MACROD2: variants seen among roughly 807,000 people sequenced by gnomAD.
MACROD2 encodes mono-ADP ribosylhydrolase 2.
A neutral mutation model predicts 70.4 loss-of-function variants in MACROD2; 36 were observed. That is an observed-to-expected ratio of 0.51 (90% confidence interval 0.39 to 0.68). The LOEUF (loss-of-function observed/expected upper bound fraction) is 0.68. MACROD2 is among the 30% of genes least tolerant of loss of function. The pLI, the probability that MACROD2 is intolerant of heterozygous loss-of-function variation, is 0.00. For synonymous variants in MACROD2, 172 were observed against 178.8 expected (o/e 0.96, Z 0.30); for missense variants, 496 against 538.4 (o/e 0.92, Z 0.78).
intron 5 of MACROD2, among the ~76,000 whole-genome samples, chr20:14,702,553 G>GTA (rs1353199122): frequency 4.3e-4 from 58 of 133,656 alleles, no homozygotes; most frequent in African/African-American, 1.4e-3. Context: ...GTGTGTGTGT[G>GTA]TATATATATA....
intron 4 of MACROD2, among the ~76,000 whole-genome samples, chr20:14,675,517 C>G (rs1038907477): frequency 2.0e-5 from 3 of 152,108 alleles, no homozygotes; most frequent in Non-Finnish European, 4.4e-5. Flanking sequence ...GAGATTTTGT[C>G]ACCACCAGGC....
At chr20:14,019,749 CAA>C (rs2053046681) in intron 2 of MACROD2, among the ~76,000 whole-genome samples, 1 of 151,964 alleles carries the variant, frequency 6.6e-6, no homozygotes, top group African/African-American at 2.4e-5. Flanking sequence ...GTGAGAAATG[CAA>C]AAGTCTGAAA....
At chr20:14,163,838 A>G (rs1417401560) in intron 3 of MACROD2, among the ~76,000 whole-genome samples, 3 of 151,490 alleles carry the variant, frequency 2.0e-5, no homozygotes, top group Non-Finnish European at 4.4e-5. Context: ...TAAATTTCTC[A>G]TTTATATCCC....
intron 5 of MACROD2, among the ~76,000 whole-genome samples, chr20:15,226,015 A>G (rs1043872703): frequency 1.8e-4 from 27 of 152,340 alleles, no homozygotes; most frequent in Admixed American, 1.6e-3. Context: ...GGGAAACGTG[A>G]ACCATGATTG....
At chr20:14,647,293 T>A (rs892472522) in intron 4 of MACROD2, among the ~76,000 whole-genome samples, 4 of 152,168 alleles carry the variant, frequency 2.6e-5, no homozygotes, top group African/African-American at 9.6e-5. Context: ...CTACCCAGTT[T>A]GTTTAATCAT....
Position 14,326,489 on chromosome 20 carries a change from C to T in MACROD2, c.272-166990C>T. 6.2e-7 allele frequency: 1 copy of T among 1,613,882 alleles called. No individual in the cohort carries two copies. Among genetic ancestry groups the T allele is most frequent in the Non-Finnish European group, 8.5e-7 (1 of 1,179,860 alleles). ...AGATCCTTAATAGCCATCCCACGAACCTTTTCTGGGGCTTGGCACATGAGC... is the reference window on the plus strand; with the variant it reads ...AGATCCTTAATAGCCATCCCACGAATCTTTTCTGGGGCTTGGCACATGAGC... On this transcript the variant is annotated intron_variant, in intron 3 of 17. Transcript: ENST00000684519. This position sits in a 1 kb window ranked among gnomAD's most constrained non-coding sequence, Gnocchi z 5.5.
intron 3 of MACROD2, among the ~76,000 whole-genome samples, chr20:14,455,312 TGTTTAAGAG>T (rs369934323): frequency 7.2e-5 from 11 of 152,016 alleles, no homozygotes; most frequent in African/African-American, 2.7e-4. Context: ...AGAGCTCAAA[TGTTTAAGAG>T]CATGGTTCAA....
chr20:14,761,147 A>G (rs918160970), intron 5 of MACROD2, among the ~76,000 whole-genome samples: 2 of 151,738 alleles, frequency 1.3e-5, no homozygotes, highest in Admixed American at 6.6e-5. Flanking sequence ...CCTCAATACC[A>G]TTTTGTCTTT....
intron 5 of MACROD2, among the ~76,000 whole-genome samples, chr20:14,934,479 G>A (rs2074323350): frequency 6.6e-6 from 1 of 151,942 alleles, no homozygotes; most frequent in African/African-American, 2.4e-5. Context: ...ATCTAAATGA[G>A]AAAAAAAATC....
chr20:16,030,112 G>T (rs1346533414), intron 15 of MACROD2, among the ~76,000 whole-genome samples: 4 of 152,180 alleles, frequency 2.6e-5, no homozygotes, highest in Non-Finnish European at 5.9e-5. Context: ...CTCCTGGAAA[G>T]TTCTGAGTCT....
chr20:15,473,890 G>A (rs2046990196), intron 7 of MACROD2, among the ~76,000 whole-genome samples: 1 of 152,160 alleles, frequency 6.6e-6, no homozygotes, highest in South Asian at 2.1e-4. Context: ...GCTAAAAGAA[G>A]CAAAATTAAG....
chr20:14,004,257 A>G (rs745620316), intron 2 of MACROD2, among the ~76,000 whole-genome samples: 13 of 152,226 alleles, frequency 8.5e-5, no homozygotes, highest in Non-Finnish European at 1.6e-4. Flanking sequence ...AATACATTGA[A>G]TAGAATAACA....
chr20:14,385,214 A>G (rs564132456), intron 3 of MACROD2, among the ~76,000 whole-genome samples: 2 of 152,144 alleles, frequency 1.3e-5, no homozygotes, highest in South Asian at 4.1e-4. Flanking sequence ...TTATGGAAAC[A>G]TAGATAGAAT....
chr20:15,107,990 T>A (rs2123212707), intron 5 of MACROD2, among the ~76,000 whole-genome samples: 1 of 151,740 alleles, frequency 6.6e-6, no homozygotes, highest in South Asian at 2.1e-4. Flanking sequence ...GCTCTTTTTT[T>A]TTTTTTTTAC....
chr20:15,052,790 C>T (rs566002078), intron 5 of MACROD2, among the ~76,000 whole-genome samples: 4 of 152,266 alleles, frequency 2.6e-5, no homozygotes, highest in East Asian at 1.9e-4. Flanking sequence ...CGGCTTAGTG[C>T]GGAAGGCATG....
chr20:16,031,165 GA>G (rs945701812), intron 15 of MACROD2, among the ~76,000 whole-genome samples: 6 of 150,916 alleles, frequency 4.0e-5, no homozygotes, highest in East Asian at 1.9e-4. Context: ...AAAAATCATG[GA>G]AAAAAAACAA....
chr20:15,779,643 T>C (rs928359738), intron 8 of MACROD2, among the ~76,000 whole-genome samples: 1 of 152,146 alleles, frequency 6.6e-6, no homozygotes, highest in Non-Finnish European at 1.5e-5. Context: ...TGTTTGTTTC[T>C]TTGTTTGTGT....
At chr20:14,338,607 T>A (rs1210566973) in intron 3 of MACROD2, among the ~76,000 whole-genome samples, 1 of 152,178 alleles carries the variant, frequency 6.6e-6, no homozygotes, top group Non-Finnish European at 1.5e-5. Context: ...TTTTAAAAAA[T>A]TTAATAGAAT....
chr20:15,370,034 A>G (rs1306743862), intron 6 of MACROD2, among the ~76,000 whole-genome samples: 2 of 152,152 alleles, frequency 1.3e-5, no homozygotes, highest in African/African-American at 2.4e-5. Context: ...AATGCATGCC[A>G]AGATGAAACT....
Sources: allele counts gnomAD v4.1 joint callset (sites outside exome capture counted in the v4.1 genomes callset), GRCh38; gene constraint gnomAD v4.1.1; non-coding constraint Gnocchi (gnomAD v3.1); transcripts MANE v1.5; gene names NCBI Gene and HGNC (gene_info 2026-07-23, HGNC 2026-07-21).